Variants in ANOS1 observed in about 807,000 individuals in gnomAD.
ANOS1 encodes the protein anosmin-1.
ANOS1 carries 6 observed loss-of-function variants against 59.0 expected under a neutral mutation model. The observed-to-expected ratio is 0.10, with a 90% CI of 0.06 to 0.20. The LOEUF (loss-of-function observed/expected upper bound fraction) is 0.20. Ranked by LOEUF, ANOS1 falls within the 10% of genes least tolerant of loss-of-function variation. ANOS1 has a pLI of 1.00. For missense variants in ANOS1, 433 were observed against 542.3 expected (o/e 0.80, Z 2.00); for synonymous variants, 217 against 223.4 (o/e 0.97, Z 0.25).
intron 1 of ANOS1, among the ~76,000 whole-genome samples, chrX:8,729,391 CTTTTTTTTTT>C (rs1162458402): frequency 1.2e-4 from 9 of 72,626 alleles, no homozygotes; most frequent in Admixed American, 7.5e-4. Context: ...ACCTTCCTTC[CTTTTTTTTTT>C]TTTTTTTTTT....
At chrX:8,619,558 T>G in intron 3 of ANOS1, among the ~76,000 whole-genome samples, 1 of 110,585 alleles carries the variant, frequency 9.0e-6, no homozygotes, top group East Asian at 2.9e-4. Context: ...AAGCTGAGAT[T>G]GCGCCACTGC....
chrX:8,660,354 T>C (rs1409089714), intron 2 of ANOS1, among the ~76,000 whole-genome samples: 1 of 112,104 alleles, frequency 8.9e-6, no homozygotes, highest in Non-Finnish European at 1.9e-5. Context: ...GACTCAAGTT[T>C]GGCCCTTGCA....
At chrX:8,558,394 T>G (rs761715575) in intron 8 of ANOS1, among the ~76,000 whole-genome samples, 1 of 110,550 alleles carries the variant, frequency 9.0e-6, no homozygotes, top group Non-Finnish European at 1.9e-5. Context: ...GTTTTTTTTT[T>G]AAGTAAAAGG....
At chrX:8,685,027 G>A (rs1277520350) in intron 2 of ANOS1, among the ~76,000 whole-genome samples, 2 of 110,805 alleles carry the variant, frequency 1.8e-5, no homozygotes, top group Non-Finnish European at 3.8e-5. Flanking sequence ...TTCAGGGGTT[G>A]TCCTGGCCCC....
chrX:8,585,313 T>C lies in ANOS1; in HGVS notation c.810A>G (p.Gly270=). The change falls in exon 6 of 14, where the codon GGA becomes GGG. Residue 270 remains glycine, a synonymous_variant. Coordinates refer to ENST00000262648, the MANE Select transcript of ANOS1 (RefSeq NM_000216.4). ...TGCTGGGGGCAGTGAAGCCTCGAGT[T>C]CCATGCACATTCACAGCAGCCACTC... ...QFRVAAVNVH[G]TRGFTAPSKH... is the part of the protein sequence containing the mutation. The C allele has an allele frequency of 8.3e-7, 1 of 1,210,060 alleles. No individual in the cohort carries two copies. Among genetic ancestry groups the C allele is most frequent in the Non-Finnish European group, 1.1e-6 (1 of 894,032 alleles).
At chrX:8,602,686 T>TA (rs892838350) in intron 3 of ANOS1, among the ~76,000 whole-genome samples, 2 of 111,245 alleles carry the variant, frequency 1.8e-5, no homozygotes, top group African/African-American at 6.5e-5. Context: ...TTTATAAAAC[T>TA]ATTCATATGA....
intron 1 of ANOS1, among the ~76,000 whole-genome samples, chrX:8,716,090 A>C (rs1932840645): frequency 9.0e-6 from 1 of 111,723 alleles, no homozygotes; most frequent in African/African-American, 3.3e-5. Context: ...GGGCAGAGAC[A>C]ACAGTCTTCA....
chrX:8,571,024 G>A (rs1930222524), intron 6 of ANOS1, among the ~76,000 whole-genome samples: 2 of 107,729 alleles, frequency 1.9e-5, no homozygotes, highest in South Asian at 4.2e-4. Flanking sequence ...GGCGGAAGGA[G>A]CGCTTGAACC....
At position 8,725,609 on chromosome X, in the gene ANOS1, G is replaced by GAT. The variant is rs199789462; in HGVS notation, c.207+6219_207+6220dup. On this transcript the variant is annotated intron_variant, in intron 1 of 13. Transcript: ENST00000262648. ...ATATATATACAGATATATATATACAGATATATATATATACAGATATATATA... is the reference window on the plus strand; with the variant it reads ...ATATATATACAGATATATATATACAGATATATATATATATACAGATATATATA... Among the ~76,000 whole-genome samples, 4 of 21,949 alleles carry GAT rather than the reference G, an allele frequency of 1.8e-4. 1 individual carries two copies. Among genetic ancestry groups the GAT allele is most frequent in the South Asian group, 1.4e-3 (1 of 695 alleles). The allele number at this position is 21,949 out of a possible 115,157, so 19.1% of individuals were successfully genotyped here. A position where few individuals can be genotyped will look rare whatever the true frequency, so the allele number is the denominator to read the frequency against.
rs1201952537 is a variant in ANOS1, at chrX:8,532,931, T to G, written c.*64A>C. On this transcript the variant is annotated 3_prime_UTR_variant, in exon 14 of 14. Transcript: ENST00000262648. ...CCCACTGCCTCTGGAAGTGTGCATGTCTCGTGGCCGAAGTTCAACAAGCTT... is the reference window on the plus strand; with the variant it reads ...CCCACTGCCTCTGGAAGTGTGCATGGCTCGTGGCCGAAGTTCAACAAGCTT... 27 of 702,357 alleles carry G rather than the reference T, an allele frequency of 3.8e-5. No individual in the cohort carries two copies. In the Admixed American group the frequency reaches 6.0e-4, roughly 16 times the overall value. 57.9% of individuals were successfully genotyped at this position (702,357 alleles called of 1,213,427 possible). A position where few individuals can be genotyped will look rare whatever the true frequency, so the allele number is the denominator to read the frequency against.
At chrX:8,670,840 C>T (rs939558108) in intron 2 of ANOS1, among the ~76,000 whole-genome samples, 7 of 111,436 alleles carry the variant, frequency 6.3e-5, no homozygotes, top group African/African-American at 1.6e-4. Context: ...CTTCCAGTCG[C>T]CTTCACCTAA....
intron 7 of ANOS1, among the ~76,000 whole-genome samples, chrX:8,569,776 T>C (rs1930194940): frequency 8.9e-6 from 1 of 112,499 alleles, no homozygotes; most frequent in African/African-American, 3.2e-5. Context: ...TTTCTAAACA[T>C]TTATTTATGG....
At chrX:8,572,953 C>T in intron 6 of ANOS1, among the ~76,000 whole-genome samples, 1 of 110,800 alleles carries the variant, frequency 9.0e-6, no homozygotes, top group Non-Finnish European at 1.9e-5. Context: ...CTGGCAGAGC[C>T]ATGTGAGGAC....
rs754508877 is a variant in ANOS1, at chrX:8,665,008, G to A, written c.255+34690C>T. On this transcript the variant is annotated intron_variant, in intron 2 of 13. Transcript: ENST00000262648. The stretch of plus-strand genomic sequence containing the variant: ...AGGCACACAAAATGATGAACAAAGC[G>A]TCCCCAGGACCCCTCTGAGATAGAG... Among the ~76,000 whole-genome samples the A allele has an allele frequency of 1.1e-4, 12 of 111,602 alleles. No homozygotes were observed. In the South Asian group the frequency reaches 2.7e-3, roughly 25 times the overall value.
chrX:8,615,542 C>CA (rs34060774), intron 3 of ANOS1, among the ~76,000 whole-genome samples: 1,098 of 57,978 alleles, frequency 0.019, 28 homozygotes, highest in African/African-American at 0.057. Flanking sequence ...GACCCTGTCT[C>CA]AAAAAAAAAA....
chrX:8,594,658 GTATATATATATATATATA>G lies in ANOS1; in HGVS notation c.541+2358_541+2375del, dbSNP rs767812487. 1.6e-3 allele frequency among the ~76,000 whole-genome samples: 55 copies of G among 33,553 alleles called. 3 individuals carry two copies. The highest frequency in any genetic ancestry group is 4.2e-3 in the South Asian group (2 of 473). The allele number at this position is 33,553 out of a possible 115,157, so 29.1% of individuals were successfully genotyped here. A position where few individuals can be genotyped will look rare whatever the true frequency, so the allele number is the denominator to read the frequency against. ...AAAAAATCTACATATATATATATGT[GTATATATATATATATATA>G]TATATATATATATATATATATACAC... On this transcript the variant is annotated intron_variant, in intron 4 of 13. Transcript: ENST00000262648.
chrX:8,620,561 A>G (rs964285790), intron 3 of ANOS1, among the ~76,000 whole-genome samples: 4 of 112,051 alleles, frequency 3.6e-5, no homozygotes, highest in Admixed American at 9.5e-5. Flanking sequence ...GCCTGTCTCC[A>G]TAAGTGACTA....
At chrX:8,572,329 A>T (rs963150331) in intron 6 of ANOS1, among the ~76,000 whole-genome samples, 4 of 108,668 alleles carry the variant, frequency 3.7e-5, no homozygotes, top group Non-Finnish European at 7.6e-5. Context: ...GCTCCCCTCC[A>T]TGTGTCCATG....
intron 6 of ANOS1, among the ~76,000 whole-genome samples, chrX:8,573,999 C>T (rs960162094): frequency 1.8e-5 from 2 of 111,197 alleles, no homozygotes; most frequent in African/African-American, 6.6e-5. Flanking sequence ...TTCTATACTG[C>T]CAGACCATGT....
Sources: gnomAD v4.1 joint callset for allele counts (sites outside exome capture counted in the v4.1 genomes callset) on GRCh38, gnomAD v4.1.1 for gene constraint, MANE v1.5 for transcripts, NCBI Gene and HGNC (gene_info 2026-07-23, HGNC 2026-07-21) for gene names.